TENM2: variants seen among roughly 807,000 people sequenced by gnomAD.
TENM2 encodes the protein teneurin-2.
TENM2 carries 52 observed loss-of-function variants against 245.2 expected under a neutral mutation model. The ratio of observed to expected loss-of-function variants is 0.21; its 90% CI spans 0.17 to 0.27. The LOEUF (loss-of-function observed/expected upper bound fraction) is 0.27. TENM2 is among the 10% of genes least tolerant of loss of function. The pLI, the probability that TENM2 is intolerant of heterozygous loss-of-function variation, is 1.00. For synonymous variants in TENM2, 1,363 were observed against 1,438.9 expected, an observed-to-expected ratio of 0.95 and a Z score of 1.19; for missense variants, 3,046 against 3,666.8, an observed-to-expected ratio of 0.83 and a Z score of 4.37.
intron 2 of TENM2, among the ~76,000 whole-genome samples, chr5:167,551,637 C>A (rs1772953194): frequency 6.6e-6 from 1 of 152,070 alleles, no homozygotes; most frequent in Non-Finnish European, 1.5e-5. Context: ...CGCACACACA[C>A]AAAAATAAAC....
At position 167,799,375 on chromosome 5, in the gene TENM2, G is replaced by A. The variant is rs559483880; in HGVS notation, c.503-76611G>A. Among the ~76,000 whole-genome samples the A allele has an allele frequency of 7.2e-5, 11 of 152,238 alleles. No homozygotes were observed. The East Asian group carries it at 2.1e-3, about 29-fold the overall frequency. On this transcript the variant is annotated intron_variant, in intron 2 of 28. Coordinates refer to ENST00000518659, the Ensembl canonical transcript of TENM2. ...AGAACATCTCTGGTTGAGTGTTTTT[G>A]TAATCTTGCTTTCTTTTCACTGTAT...
Position 167,701,401 on chromosome 5 carries a change from T to G in TENM2, c.503-174585T>G, listed in dbSNP as rs56323402. ...CATGTTGGGTTTTGGGTGTTTGTTT[T>G]TTTTTTTTACATCAGTTTAAAATTA... On this transcript the variant is annotated intron_variant, in intron 2 of 28. Coordinates refer to ENST00000518659, the Ensembl canonical transcript of TENM2. 4.2e-3 allele frequency among the ~76,000 whole-genome samples: 639 copies of G among 152,150 alleles called. 4 individuals are homozygous for G. The highest frequency in any genetic ancestry group is 0.014 in the African/African-American group (602 of 41,528).
intron 1 of TENM2, among the ~76,000 whole-genome samples, chr5:167,326,584 A>G (rs925947889): frequency 6.6e-6 from 1 of 151,794 alleles, no homozygotes; most frequent in Non-Finnish European, 1.5e-5. Flanking sequence ...GAGGCAGGAG[A>G]ATCGCTTGAA....
In TENM2 at chr5:168,236,766, A is replaced by T. The variant is rs551980444; in HGVS notation, c.5521-7654A>T. ...AACAAACACAGAGTAGGTGCCCAGTAAATATTGAATGAAAGAATGAATGAA... is the reference window on the plus strand; with the variant it reads ...AACAAACACAGAGTAGGTGCCCAGTTAATATTGAATGAAAGAATGAATGAA... On this transcript the variant is annotated intron_variant, in intron 25 of 28. Coordinates refer to ENST00000518659, the Ensembl canonical transcript of TENM2. Among the ~76,000 whole-genome samples the T allele has an allele frequency of 2.6e-5, 4 of 151,004 alleles. No individual in the cohort carries two copies. In the East Asian group the frequency reaches 7.8e-4, roughly 30 times the overall value.
intron 2 of TENM2, among the ~76,000 whole-genome samples, chr5:167,683,822 A>G (rs1434873886): frequency 2.0e-5 from 3 of 152,110 alleles, no homozygotes; most frequent in Non-Finnish European, 4.4e-5. Flanking sequence ...TGCCAGCTTC[A>G]CTCTCCAACA....
chr5:167,096,409 A>G, the TENM2 span, among the ~76,000 whole-genome samples: 4 of 152,186 alleles, frequency 2.6e-5, no homozygotes, highest in African/African-American at 9.7e-5. Flanking sequence ...ACCGTAACAC[A>G]TTTTTAGAGT....
chr5:167,386,314 C>A (rs930577104), intron 2 of TENM2, among the ~76,000 whole-genome samples: 2 of 152,086 alleles, frequency 1.3e-5, no homozygotes, highest in African/African-American at 4.8e-5. Flanking sequence ...TGTATATCTT[C>A]TTTTGAAAAT....
At chr5:166,993,308 C>G in the TENM2 span, among the ~76,000 whole-genome samples, 1 of 152,064 alleles carries the variant, frequency 6.6e-6, no homozygotes, top group African/African-American at 2.4e-5. Context: ...CCTGTGTGCC[C>G]TCCCGCGAGG....
At chr5:167,282,810 G>C (rs1474598879), upstream of TENM2, among the ~76,000 whole-genome samples, 4 of 152,078 alleles carry the variant, frequency 2.6e-5, no homozygotes, top group African/African-American at 9.7e-5. Context: ...TGGGCATCTA[G>C]TAATTGCCTT....
chr5:167,976,970 A>G (rs1333830627), intron 4 of TENM2, among the ~76,000 whole-genome samples: 2 of 152,230 alleles, frequency 1.3e-5, no homozygotes, highest in Non-Finnish European at 2.9e-5. Flanking sequence ...CATATACACC[A>G]TGGAATACTA....
the TENM2 span, among the ~76,000 whole-genome samples, chr5:167,193,920 AT>A: frequency 6.6e-6 from 1 of 152,008 alleles, no homozygotes; most frequent in Middle Eastern, 3.4e-3. Context: ...ATAATTTTTT[AT>A]TTTTTATTTT....
chr5:167,387,269 T>TTG (rs946837006), intron 2 of TENM2, among the ~76,000 whole-genome samples: 8 of 152,004 alleles, frequency 5.3e-5, no homozygotes, highest in African/African-American at 1.9e-4. Flanking sequence ...GTTGTTGTTG[T>TTG]TTTTGTGGTT....
intron 2 of TENM2, among the ~76,000 whole-genome samples, chr5:167,800,762 C>G (rs1390039852): frequency 1.3e-5 from 2 of 152,094 alleles, no homozygotes; most frequent in Non-Finnish European, 2.9e-5. Context: ...AATAACACAC[C>G]TACCCTATTT....
At chr5:167,338,794 C>T (rs1277522129) in intron 1 of TENM2, among the ~76,000 whole-genome samples, 2 of 152,186 alleles carry the variant, frequency 1.3e-5, no homozygotes, top group African/African-American at 2.4e-5. Flanking sequence ...AGGGTGCAGA[C>T]ATGCTCAGGT....
chr5:168,228,133 A>AAGT lies in TENM2; in HGVS notation c.5520+4_5520+6dup. ...CCATCTTTGGCAGGAAGCTCCGGGTAAGTGGTTCCACCCAATCTGTTACCA... is the reference window on the plus strand; with the variant it reads ...CCATCTTTGGCAGGAAGCTCCGGGTAAGTAGTGGTTCCACCCAATCTGTTACCA... On this transcript the variant is annotated splice_donor_region_variant and intron_variant, in intron 25 of 28. Coordinates refer to ENST00000518659, the Ensembl canonical transcript of TENM2. 1 of 1,552,878 alleles carries AAGT rather than the reference A, an allele frequency of 6.4e-7. No homozygotes were observed.
the TENM2 span, among the ~76,000 whole-genome samples, chr5:167,094,892 A>G: frequency 1.3e-5 from 2 of 152,220 alleles, no homozygotes; most frequent in South Asian, 2.1e-4. Flanking sequence ...CAATTTAAAC[A>G]TATTTATAAA....
At chr5:167,492,341 C>T (rs973031162) in intron 2 of TENM2, among the ~76,000 whole-genome samples, 1 of 152,054 alleles carries the variant, frequency 6.6e-6, no homozygotes, top group South Asian at 2.1e-4. Context: ...GACTCAGTTT[C>T]ATGGTCTATA....
rs186551697 is a variant in TENM2, at chr5:167,879,043, C to G, written c.712+2848C>G. Among the ~76,000 whole-genome samples the G allele has an allele frequency of 7.9e-5, 12 of 152,246 alleles. No individual in the cohort carries two copies. The East Asian group carries it at 2.1e-3, about 27-fold the overall frequency. The stretch of plus-strand genomic sequence containing the variant: ...GTTATTATTTGATGTTGGTGAAGCC[C>G]ATCATTAGGAGGGTCACAGTACACA... On this transcript the variant is annotated intron_variant, in intron 3 of 28. Coordinates refer to ENST00000518659, the Ensembl canonical transcript of TENM2.
the TENM2 span, among the ~76,000 whole-genome samples, chr5:166,984,693 A>G: frequency 6.6e-6 from 1 of 152,248 alleles, no homozygotes; most frequent in Non-Finnish European, 1.5e-5. Flanking sequence ...ACCATGATAG[A>G]AGATAGCTAT....
Sources: allele counts gnomAD v4.1 joint callset (sites outside exome capture counted in the v4.1 genomes callset), GRCh38; gene constraint gnomAD v4.1.1; transcripts MANE v1.5; gene names NCBI Gene and HGNC (gene_info 2026-07-23, HGNC 2026-07-21).